PSG1: variants seen among roughly 807,000 people sequenced by gnomAD.
The protein encoded by PSG1 is pregnancy specific beta-1-glycoprotein 1, also known as pregnancy-specific beta-1-glycoprotein 1.
PSG1 carries 60 observed loss-of-function variants against 41.4 expected under a neutral mutation model. That is an observed-to-expected ratio of 1.45 (90% CI 1.18 to 1.80). The LOEUF (loss-of-function observed/expected upper bound fraction) is 1.80, where lower values mean the gene tolerates loss of function less well. Ranked by LOEUF, PSG1 falls within the 40% of genes most tolerant of loss-of-function variation. The pLI, the probability that PSG1 is intolerant of heterozygous loss-of-function variation, is 0.00. For synonymous variants in PSG1, 256 were observed against 192.9 expected, an observed-to-expected ratio of 1.33 and a Z score of -2.71; for missense variants, 806 against 516.9, an observed-to-expected ratio of 1.56 and a Z score of -5.42.
At chr19:42,878,319 G>A (rs747495279) in intron 1 of PSG1, 41 bp from the exon 2 acceptor site, 1 of 1,561,382 alleles carries the variant, frequency 6.4e-7, no homozygotes, top group Non-Finnish European at 8.7e-7. Flanking sequence ...TGAGACCTAT[G>A]TATTGGTGTG....
Position 42,879,649 on chromosome 19 carries a change from G to T in PSG1, c.-68C>A, listed in dbSNP as rs12459171. ...AGGATCCAGAAACTCTCTGAGCACG[G>T]CTGTCAGCTGTGCTGTCCTTCCTCT... On this transcript the variant is annotated 5_prime_UTR_variant, in exon 1 of 6. Coordinates refer to ENST00000436291, the MANE Select transcript of PSG1 (RefSeq NM_001184825.2). 3 of 1,586,104 alleles carry T rather than the reference G, an allele frequency of 1.9e-6. No homozygotes were observed. The highest frequency in any genetic ancestry group is 3.4e-5 in the Admixed American group (2 of 59,208).
At chr19:42,871,527 T>A (rs1432370894) in intron 3 of PSG1, among the ~76,000 whole-genome samples, 1 of 151,708 alleles carries the variant, frequency 6.6e-6, no homozygotes, top group East Asian at 1.9e-4. Flanking sequence ...GACCTTCACC[T>A]GTTTCTCCCA....
chr19:42,879,207 C>T lies in PSG1; in HGVS notation c.64+311G>A, dbSNP rs569293997. 1.4e-4 allele frequency among the ~76,000 whole-genome samples: 21 copies of T among 147,016 alleles called. 1 individual carries two copies. Among genetic ancestry groups the T allele is most frequent in the Non-Finnish European group, 2.4e-4 (16 of 67,224 alleles). ...TTGTACTGTCGCCCAGGCTGGCATG[C>T]GGTGGTGCTATCTCAGCTATCTGCA... On this transcript the variant is annotated intron_variant, in intron 1 of 5. Coordinates refer to ENST00000436291, the MANE Select transcript of PSG1 (RefSeq NM_001184825.2).
intron 2 of PSG1, among the ~76,000 whole-genome samples, chr19:42,877,582 G>A (rs1262775913): frequency 6.6e-6 from 1 of 151,708 alleles, no homozygotes; most frequent in South Asian, 2.1e-4. Flanking sequence ...CTCAGGCCAA[G>A]CCCTACTCAG....
chr19:42,867,786 A>G, intron 5 of PSG1: 1 of 1,099,710 alleles, frequency 9.1e-7, no homozygotes, highest in Non-Finnish European at 1.3e-6. Context: ...TCAATGTAGA[A>G]AACAAACCAT....
Position 42,878,084 on chromosome 19 carries a change from C to G in PSG1, c.259G>C (p.Glu87Gln), listed in dbSNP as rs1058661. 808 of 1,612,314 alleles carry G rather than the reference C, an allele frequency of 5.0e-4. 11 individuals carry two copies. Among genetic ancestry groups the G allele is most frequent in the Admixed American group, 4.7e-4 (28 of 59,882 alleles). ...HYITSYVVDG[E>Q]IIIYGPAYSG... The stretch of plus-strand genomic sequence containing the variant: ...TATGCAGGCCCATATATAATTATTT[C>G]ACCGTCTACTACATATGATGTAATG... Residue 87 changes from glutamate (E) to glutamine (Q), a missense_variant, in exon 2 of 6, where the codon GAA becomes CAA. Transcript: ENST00000436291.
chr19:42,868,405 A>T lies in PSG1; in HGVS notation c.989-50T>A. 3 of 1,555,976 alleles carry T rather than the reference A, an allele frequency of 1.9e-6. No homozygotes were observed. In the South Asian group the frequency reaches 3.6e-5, roughly 19 times the overall value. On this transcript the variant is annotated intron_variant, in intron 4 of 5. Transcript: ENST00000436291. ...AGGTGATGTCATCTGAGGGAAGGGG[A>T]TGTTCCTGGTCTCTTAAAGGGACAC...
intron 1 of PSG1, among the ~76,000 whole-genome samples, chr19:42,878,752 C>T (rs1247209011): frequency 6.7e-6 from 1 of 149,926 alleles, no homozygotes; most frequent in African/African-American, 2.5e-5. Flanking sequence ...TGTCTGTCTT[C>T]CCCCCCATGA....
chr19:42,879,702 G>T lies in PSG1; in HGVS notation c.-121C>A, dbSNP rs1231984241. 1 of 1,439,298 alleles carries T rather than the reference G, an allele frequency of 6.9e-7. No homozygotes were observed. Among genetic ancestry groups the T allele is most frequent in the Non-Finnish European group, 9.4e-7 (1 of 1,059,262 alleles). The allele number at this position is 1,439,298 out of a possible 1,614,324, so 89.2% of individuals were successfully genotyped here. On this transcript the variant is annotated 5_prime_UTR_variant, in exon 1 of 6. In the 5' UTR this introduces an upstream ATG that the reference lacks. Coordinates refer to ENST00000436291, the MANE Select transcript of PSG1 (RefSeq NM_001184825.2). Reference sequence around the variant, plus strand: ...CTGTGCTGAGCCTCTTCCCAGGGCAGGAGCAATTCTCAAGCTCATGGGCAG... The same window carrying T: ...CTGTGCTGAGCCTCTTCCCAGGGCATGAGCAATTCTCAAGCTCATGGGCAG...
At chr19:42,874,918 G>A (rs761125087) in intron 2 of PSG1, among the ~76,000 whole-genome samples, 2 of 151,604 alleles carry the variant, frequency 1.3e-5, no homozygotes, top group Admixed American at 6.6e-5. Context: ...TTTACTTAGC[G>A]TTAGAAACCA....
rs1971211551 is a variant in PSG1 at position 42,868,123 on chromosome 19, T to C, written c.1221A>G (p.Lys407=). 6.2e-7 allele frequency: 1 copy of C among 1,612,212 alleles called. No homozygotes were observed. Among genetic ancestry groups the C allele is most frequent in the African/African-American group, 1.3e-5 (1 of 74,688 alleles). Residue 407 remains lysine (K), a synonymous_variant, in exon 5 of 6, where the codon AAA becomes AAG. Coordinates refer to ENST00000436291, the MANE Select transcript of PSG1 (RefSeq NM_001184825.2). The part of the protein sequence containing the change: ...RNSATGKESS[K]SMTVEVSDWT... ...TACCAGAGACTTCGACTGTCATGGA[T>C]TTGGAGCTTTCCTTGCCAGTGGCTG... is the stretch of plus-strand genomic sequence containing the variant.
intron 5 of PSG1, 55 bp from the exon 6 acceptor site, chr19:42,867,205 C>T (rs1971168753): frequency 1.0e-5 from 8 of 764,664 alleles, no homozygotes; most frequent in Non-Finnish European, 1.7e-5. Context: ...AGTCTCATAA[C>T]AGGTATACTA....
At chr19:42,867,729 T>A in intron 5 of PSG1, 1 of 859,938 alleles carries the variant, frequency 1.2e-6, no homozygotes, top group East Asian at 2.4e-5. Context: ...AAGTATAGTT[T>A]ATTGAACTGC....
chr19:42,868,625 G>T (rs1479343593), intron 4 of PSG1, 131 bp downstream of exon 4: 2 of 1,535,476 alleles, frequency 1.3e-6, no homozygotes, highest in Non-Finnish European at 8.8e-7. Context: ...AGGGCAGGGA[G>T]TCATGGCCAG....
At chr19:42,876,587 G>C (rs977953871) in intron 2 of PSG1, among the ~76,000 whole-genome samples, 4 of 151,382 alleles carry the variant, frequency 2.6e-5, no homozygotes, top group African/African-American at 9.7e-5. Context: ...GGCCTGTGGT[G>C]GTGTAGAGTG....
intron 2 of PSG1, chr19:42,876,682 T>G (rs1250433312): frequency 5.1e-6 from 1 of 195,940 alleles, no homozygotes; most frequent in Non-Finnish European, 1.1e-5. Context: ...GATTTCAGGT[T>G]CAGTGATGGT....
rs1209473283 is a variant in PSG1 at position 42,879,111 on chromosome 19, C to T, written c.64+407G>A. Among the ~76,000 whole-genome samples the T allele has an allele frequency of 2.0e-5, 3 of 151,458 alleles. 1 individual carries two copies. The highest frequency in any genetic ancestry group is 3.9e-4 in the East Asian group (2 of 5,128). ...CCCTGTCCCTCTCTGGTGTATTTTC[C>T]CCTATCCAGGCTCCAACAGAGCCTT... On this transcript the variant is annotated intron_variant, in intron 1 of 5. Coordinates refer to ENST00000436291, the MANE Select transcript of PSG1 (RefSeq NM_001184825.2).
chr19:42,868,691 C>T, intron 4 of PSG1, 65 bp downstream of exon 4: 2 of 1,599,380 alleles, frequency 1.3e-6, no homozygotes, highest in South Asian at 1.1e-5. Flanking sequence ...GACTGAGAGG[C>T]CTGGCATCTG....
Position 42,867,737 on chromosome 19 carries a change from T to C in PSG1, c.1243+364A>G. The C allele has an allele frequency of 4.6e-6, 4 of 869,478 alleles. 1 individual carries two copies. The highest frequency in any genetic ancestry group is 7.8e-6 in the Non-Finnish European group (4 of 512,354). 53.9% of individuals were successfully genotyped at this position (869,478 alleles called of 1,614,324 possible). ...TTCCCAGAAGTATAGTTTATTGAAC[T>C]GCTATAAGCTGTAGATAGATTAAAA... On this transcript the variant is annotated intron_variant, in intron 5 of 5. Transcript: ENST00000436291.
Sources: gnomAD v4.1 joint callset for allele counts (sites outside exome capture counted in the v4.1 genomes callset) on GRCh38, gnomAD v4.1.1 for gene constraint, MANE v1.5 for transcripts, NCBI Gene and HGNC (gene_info 2026-07-23, HGNC 2026-07-21) for gene names.